KIF15: variants seen among roughly 807,000 people sequenced by gnomAD.
KIF15 encodes kinesin family member 15.
Under a neutral mutation model 190.6 loss-of-function variants are expected in KIF15, and 140 were observed. The observed-to-expected ratio is 0.73, with a 90% CI of 0.64 to 0.84. The LOEUF is 0.84. Ranked by LOEUF, KIF15 falls within the 40% of genes least tolerant of loss-of-function variation. KIF15 has a pLI of 0.00. For missense variants in KIF15, 1,372 were observed against 1,584.4 expected, an observed-to-expected ratio of 0.87 and a Z score of 2.28; for synonymous variants, 528 against 551.3, an observed-to-expected ratio of 0.96 and a Z score of 0.59.
At chr3:44,774,329 G>C (rs894207283) in intron 1 of KIF15, 66 bp from the exon 2 acceptor site, 1 of 1,429,424 alleles carries the variant, frequency 7.0e-7, no homozygotes, top group African/African-American at 1.4e-5. Flanking sequence ...CCAGGAACAT[G>C]TTAGAGAAGA....
Position 44,815,057 on chromosome 3 carries a change from C to A in KIF15, c.2530C>A (p.Leu844Ile). ...KLSERHMHVQLQLDNLRLENE... is the reference protein window; with the variant it reads ...KLSERHMHVQIQLDNLRLENE... ...TTCCGAAAGACACATGCATGTACAGCTTCAATTAGATAATCTCAGGTAGAG... is the reference window on the plus strand; with the variant it reads ...TTCCGAAAGACACATGCATGTACAGATTCAATTAGATAATCTCAGGTAGAG... Residue 844 changes from leucine to isoleucine, a missense_variant, in exon 20 of 35, where the codon CTT becomes ATT. Physicochemically the swap from Leu to Ile is conservative, Grantham distance 5. Transcript: ENST00000326047. 1 of 1,597,272 alleles carries A rather than the reference C, an allele frequency of 6.3e-7. No homozygotes were observed.
chr3:44,829,213 T>C (rs1238851593), intron 24 of KIF15, among the ~76,000 whole-genome samples: 3 of 149,898 alleles, frequency 2.0e-5, no homozygotes, highest in South Asian at 2.1e-4. Context: ...AAAAATTAGC[T>C]GGGCATGGTG....
chr3:44,815,959 G>C (rs564242379), intron 20 of KIF15, among the ~76,000 whole-genome samples: 10 of 152,084 alleles, frequency 6.6e-5, no homozygotes, highest in Admixed American at 2.0e-4. Flanking sequence ...AGTGTTTTTT[G>C]GATATACAAC....
At position 44,798,053 on chromosome 3, in the gene KIF15, T is replaced by C. The variant is rs984539055; in HGVS notation, c.1098+97T>C. On this transcript the variant is annotated intron_variant, in intron 10 of 34. Coordinates refer to ENST00000326047, the MANE Select transcript of KIF15 (RefSeq NM_020242.3). The stretch of plus-strand genomic sequence containing the variant: ...ATTGCCCTAATATTAACATTAACTT[T>C]TATTTATTTCTCATTGTATGCAAAA... 6 of 1,122,086 alleles carry C rather than the reference T, an allele frequency of 5.3e-6. No individual in the cohort carries two copies. In the African/African-American group the frequency reaches 7.9e-5, roughly 15 times the overall value. 69.5% of individuals were successfully genotyped at this position (1,122,086 alleles called of 1,614,324 possible).
intron 14 of KIF15, among the ~76,000 whole-genome samples, chr3:44,803,634 T>G (rs1303835011): frequency 6.6e-6 from 1 of 152,234 alleles, no homozygotes; most frequent in Non-Finnish European, 1.5e-5. Context: ...ATTTTCACGG[T>G]CTTTTATCAT....
rs964365751 is a variant in KIF15 at position 44,852,423 on chromosome 3, G to C, written c.4104+84G>C. 3 of 1,305,842 alleles carry C rather than the reference G, an allele frequency of 2.3e-6. No homozygotes were observed. The African/African-American group carries it at 4.5e-5, about 20-fold the overall frequency. 80.9% of individuals were successfully genotyped at this position (1,305,842 alleles called of 1,614,324 possible). A position where few individuals can be genotyped will look rare whatever the true frequency, so the allele number is the denominator to read the frequency against. ...GAAACCAAATTAAAACTTAATTATT[G>C]AATCAGTTAACTGCTTACTTCAGGG... is the stretch of plus-strand genomic sequence containing the variant. On this transcript the variant is annotated intron_variant, in intron 34 of 34. Coordinates refer to ENST00000326047, the MANE Select transcript of KIF15 (RefSeq NM_020242.3).
intron 25 of KIF15, 35 bp downstream of exon 25, chr3:44,830,110 G>C (rs374268904): frequency 8.6e-7 from 1 of 1,165,994 alleles, no homozygotes; most frequent in Non-Finnish European, 1.2e-6. Flanking sequence ...TTAAATTTGA[G>C]CATGGGACAC....
At position 44,814,929 on chromosome 3, in the gene KIF15, A is replaced by G. The variant is rs762315555; in HGVS notation, c.2402A>G (p.His801Arg). Reference protein sequence around the residue: ...TKNDFLKSEVHDLRVVLHSAD... With the variant: ...TKNDFLKSEVRDLRVVLHSAD... ...TTTTTAGTTTTGAAAAGTGAGGTAC[A>G]TGACCTGCGAGTAGTCCTTCATTCT... Residue 801 changes from histidine (H) to arginine (R), a missense_variant, in exon 20 of 35, where the codon CAT (histidine) becomes CGT (arginine). Physicochemically the swap from His to Arg is conservative, Grantham distance 29. Transcript: ENST00000326047. 9 of 1,603,196 alleles carry G rather than the reference A, an allele frequency of 5.6e-6. No individual in the cohort carries two copies. Among genetic ancestry groups the G allele is most frequent in the South Asian group, 2.3e-5 (2 of 88,520 alleles).
chr3:44,852,325 G>A lies in KIF15; in HGVS notation c.4090G>A (p.Val1364Ile), dbSNP rs1468334110. Residue 1364 changes from valine to isoleucine, a missense_variant, in exon 34 of 35, where the codon GTC becomes ATC. By Grantham distance (29) the Val-to-Ile change is conservative. Coordinates refer to ENST00000326047, the MANE Select transcript of KIF15 (RefSeq NM_020242.3). ...CGTAGTGCGACTAAAGAAGGAAAAT[G>A]TCAGGCTTGCTGAGGTAAACCTAAA... is the stretch of plus-strand genomic sequence containing the variant. ...QYVVRLKKEN[V>I]RLAEETEKLR... 1.2e-6 allele frequency: 2 copies of A among 1,610,100 alleles called. No individual in the cohort carries two copies. Among genetic ancestry groups the A allele is most frequent in the Admixed American group, 1.7e-5 (1 of 59,718 alleles).
Position 44,763,468 on chromosome 3 carries a change from A to AT in KIF15, c.19+1591dup, listed in dbSNP as rs901188576. Among the ~76,000 whole-genome samples the AT allele has an allele frequency of 3.3e-5, 5 of 151,656 alleles. No homozygotes were observed. The South Asian group carries it at 6.2e-4, about 19-fold the overall frequency. ...AGGCACGCGCCACCATGCCCAGCTA[A>AT]TTTTTTTATTTTTAGTAAAGCCGGG... On this transcript the variant is annotated intron_variant, in intron 1 of 34. Coordinates refer to ENST00000326047, the MANE Select transcript of KIF15 (RefSeq NM_020242.3).
At position 44,807,115 on chromosome 3, in the gene KIF15, T is replaced by C. The variant is rs568587495; in HGVS notation, c.1971+1129T>C. 1.3e-3 allele frequency among the ~76,000 whole-genome samples: 194 copies of C among 152,332 alleles called. No homozygotes were observed. In the Middle Eastern group the frequency reaches 0.014, roughly 11 times the overall value. Reference sequence around the variant, plus strand: ...TTCCTTATATGTCTTAGAATATAAATAGATGTTTATTTATAATGATTATTT... The same window carrying C: ...TTCCTTATATGTCTTAGAATATAAACAGATGTTTATTTATAATGATTATTT... On this transcript the variant is annotated intron_variant, in intron 16 of 34. Transcript: ENST00000326047.
At chr3:44,828,114 A>G (rs1697775305) in intron 23 of KIF15, 100 bp from the exon 24 acceptor site, 2 of 771,924 alleles carry the variant, frequency 2.6e-6, no homozygotes, top group African/African-American at 1.8e-5. Flanking sequence ...CCTAGCATAG[A>G]CTCTATAATA....
chr3:44,830,734 A>ACCATTCATGCACTTATTCTTCC, intron 25 of KIF15, among the ~76,000 whole-genome samples, 162 bp from the exon 26 acceptor site: 1 of 152,170 alleles, frequency 6.6e-6, no homozygotes, highest in Admixed American at 6.5e-5. Context: ...ATTTCTCTTC[A>ACCATTCATGCACTTATTCTTCC]CCATTCATGC....
chr3:44,812,334 A>G, intron 18 of KIF15, 45 bp downstream of exon 18: 3 of 1,359,568 alleles, frequency 2.2e-6, no homozygotes, highest in South Asian at 1.2e-5. Flanking sequence ...AAGTACCCTC[A>G]AATGTTACCT....
At chr3:44,823,059 G>A (rs900681563) in intron 20 of KIF15, among the ~76,000 whole-genome samples, 1 of 152,188 alleles carries the variant, frequency 6.6e-6, no homozygotes, top group Admixed American at 6.5e-5. Flanking sequence ...CTGGTGAGGA[G>A]CTACAATCCT....
At chr3:44,816,861 G>A (rs567540993) in intron 20 of KIF15, among the ~76,000 whole-genome samples, 5 of 152,314 alleles carry the variant, frequency 3.3e-5, no homozygotes, top group South Asian at 2.1e-4. Context: ...CACCAACAGC[G>A]TAAAAGTGTT....
At chr3:44,855,550 A>G (rs1699179627), downstream of KIF15, among the ~76,000 whole-genome samples, 1 of 152,080 alleles carries the variant, frequency 6.6e-6, no homozygotes, top group African/African-American at 2.4e-5. Context: ...GTGGCGAAAA[A>G]TTTTGGGGGT....
At chr3:44,848,593 C>T (rs1372904773) in intron 32 of KIF15, 35 bp downstream of exon 32, 7 of 1,066,760 alleles carry the variant, frequency 6.6e-6, no homozygotes, top group African/African-American at 1.6e-5. Context: ...AAATCTTGAT[C>T]ATCTTTTCCT....
intron 6 of KIF15, among the ~76,000 whole-genome samples, chr3:44,867,162 A>G (rs1699331161): frequency 6.6e-6 from 1 of 152,076 alleles, no homozygotes; most frequent in African/African-American, 2.4e-5. Context: ...CCAGAACCAC[A>G]ATGTCAGCCC....
Sources: gnomAD v4.1 joint callset for allele counts (sites outside exome capture counted in the v4.1 genomes callset) on GRCh38, gnomAD v4.1.1 for gene constraint, MANE v1.5 for transcripts, NCBI Gene and HGNC (gene_info 2026-07-23, HGNC 2026-07-21) for gene names.